Variants in HS6ST3 observed in about 807,000 individuals in gnomAD.
HS6ST3 encodes the protein heparan-sulfate 6-O-sulfotransferase 3.
In HS6ST3, 12 loss-of-function variants were observed where a neutral mutation model predicts 36.7. The observed-to-expected ratio is 0.33, with a 90% CI of 0.21 to 0.53. HS6ST3 has a LOEUF of 0.53. Ranked by LOEUF, HS6ST3 falls within the 20% of genes least tolerant of loss-of-function variation. The pLI, the probability that HS6ST3 is intolerant of heterozygous loss-of-function variation, is 0.95. For synonymous variants in HS6ST3, 240 were observed against 257.5 expected (o/e 0.93, Z 0.65); for missense variants, 584 against 640.9 (o/e 0.91, Z 0.96).
chr13:96,570,378 T>G (rs1182160965), intron 1 of HS6ST3, among the ~76,000 whole-genome samples: 2 of 152,204 alleles, frequency 1.3e-5, no homozygotes, highest in African/African-American at 4.8e-5. Context: ...TTTGGTAATA[T>G]AACTTATAGC....
intron 1 of HS6ST3, among the ~76,000 whole-genome samples, chr13:96,790,455 T>C (rs931337172): frequency 6.6e-6 from 1 of 152,030 alleles, no homozygotes; most frequent in African/African-American, 2.4e-5. Flanking sequence ...TTGTGGAGTC[T>C]CTACTTCATG....
intron 1 of HS6ST3, among the ~76,000 whole-genome samples, chr13:96,620,699 A>G (rs2056491738): frequency 6.6e-6 from 1 of 152,234 alleles, no homozygotes; most frequent in African/African-American, 2.4e-5. Flanking sequence ...AACCATATTT[A>G]GCAATCAGAG....
In HS6ST3 at chr13:96,090,823, C is replaced by T; in HGVS notation, c.-40C>T. ...CGGGCGCCCGTCCGCCCTGCCGCCGCCGCCGCCGCCGCTTCGCCTGCCGGC... is the reference window on the plus strand; with the variant it reads ...CGGGCGCCCGTCCGCCCTGCCGCCGTCGCCGCCGCCGCTTCGCCTGCCGGC... On this transcript the variant is annotated 5_prime_UTR_variant, in exon 1 of 2. Transcript: ENST00000376705. 3 of 1,455,480 alleles carry T rather than the reference C, an allele frequency of 2.1e-6. No homozygotes were observed. The highest frequency in any genetic ancestry group is 2.7e-6 in the Non-Finnish European group (3 of 1,098,986). 90.2% of individuals were successfully genotyped at this position (1,455,480 alleles called of 1,614,324 possible).
chr13:96,706,591 G>A (rs984530825), intron 1 of HS6ST3, among the ~76,000 whole-genome samples: 1 of 151,560 alleles, frequency 6.6e-6, no homozygotes. Context: ...CAGGGCTTTT[G>A]TTTTGTTGAG....
At chr13:96,284,059 T>C (rs1050458389) in intron 1 of HS6ST3, among the ~76,000 whole-genome samples, 21 of 152,164 alleles carry the variant, frequency 1.4e-4, no homozygotes, top group African/African-American at 5.1e-4. Context: ...AACAGAAAGA[T>C]GGAGATTCCG....
At chr13:96,370,932 G>A (rs1278701042) in intron 1 of HS6ST3, among the ~76,000 whole-genome samples, 1 of 151,980 alleles carries the variant, frequency 6.6e-6, no homozygotes, top group Non-Finnish European at 1.5e-5. Flanking sequence ...AAATAAAAAT[G>A]TCGATTATTA....
At chr13:96,263,833 C>T (rs1235236952) in intron 1 of HS6ST3, among the ~76,000 whole-genome samples, 1 of 152,204 alleles carries the variant, frequency 6.6e-6, no homozygotes, top group Non-Finnish European at 1.5e-5. Flanking sequence ...CTCTGATTTA[C>T]AGTGTTTTCT....
intron 1 of HS6ST3, among the ~76,000 whole-genome samples, chr13:96,559,209 C>A (rs1341710191): frequency 6.6e-6 from 1 of 151,962 alleles, no homozygotes; most frequent in African/African-American, 2.4e-5. Context: ...CTCTGCCTCC[C>A]GAGTTCAGGT....
chr13:96,127,412 A>G (rs2053957028), intron 1 of HS6ST3, among the ~76,000 whole-genome samples: 1 of 152,206 alleles, frequency 6.6e-6, no homozygotes, highest in Non-Finnish European at 1.5e-5. Context: ...GCAGTTTACA[A>G]TAGGGTTTGT....
chr13:96,613,168 G>C (rs1191699159), intron 1 of HS6ST3, among the ~76,000 whole-genome samples: 1 of 151,976 alleles, frequency 6.6e-6, no homozygotes, highest in Non-Finnish European at 1.5e-5. Context: ...TGTATAGGTT[G>C]GTCTCTTTCT....
intron 1 of HS6ST3, among the ~76,000 whole-genome samples, chr13:96,652,951 A>T (rs2056612537): frequency 6.6e-6 from 1 of 152,124 alleles, no homozygotes; most frequent in Admixed American, 6.6e-5. Context: ...TATAATAGTC[A>T]TCAATAAATT....
chr13:96,177,684 G>A (rs542180819), intron 1 of HS6ST3, among the ~76,000 whole-genome samples: 11 of 151,820 alleles, frequency 7.2e-5, no homozygotes, highest in Admixed American at 2.6e-4. Flanking sequence ...TAACTGTTGG[G>A]TACTGGGCTT....
intron 1 of HS6ST3, among the ~76,000 whole-genome samples, chr13:96,490,814 G>C (rs147431906): frequency 4.6e-5 from 7 of 152,230 alleles, no homozygotes; most frequent in African/African-American, 1.7e-4. Context: ...CCACGCTCTG[G>C]TTCTATTATT....
At chr13:96,599,317 G>T (rs1044442104) in intron 1 of HS6ST3, among the ~76,000 whole-genome samples, 1 of 151,904 alleles carries the variant, frequency 6.6e-6, no homozygotes. Context: ...CATTCTCACT[G>T]CTTGTTATCA....
intron 1 of HS6ST3, among the ~76,000 whole-genome samples, chr13:96,246,887 G>C (rs2054587280): frequency 6.6e-6 from 1 of 152,098 alleles, no homozygotes; most frequent in African/African-American, 2.4e-5. Context: ...TAAGTTTTCA[G>C]TGGGACTATT....
intron 1 of HS6ST3, among the ~76,000 whole-genome samples, chr13:96,187,449 T>C (rs2054269831): frequency 6.6e-6 from 1 of 152,198 alleles, no homozygotes. Context: ...AGACTTAGAA[T>C]ATGAAGCAGT....
intron 1 of HS6ST3, among the ~76,000 whole-genome samples, chr13:96,171,227 C>T (rs2054186229): frequency 6.6e-6 from 1 of 152,216 alleles, no homozygotes; most frequent in Non-Finnish European, 1.5e-5. Flanking sequence ...TACCCATGAA[C>T]ATGAAATTCT....
chr13:96,355,473 G>C (rs753789012), intron 1 of HS6ST3, among the ~76,000 whole-genome samples: 1 of 151,394 alleles, frequency 6.6e-6, no homozygotes, highest in Non-Finnish European at 1.5e-5. Flanking sequence ...CCACCATAAA[G>C]TAAATATAGC....
At chr13:96,749,460 T>G (rs1876646067) in intron 1 of HS6ST3, among the ~76,000 whole-genome samples, 1 of 152,182 alleles carries the variant, frequency 6.6e-6, no homozygotes, top group African/African-American at 2.4e-5. Context: ...TTTAGGATTC[T>G]TGCATTTAAT....
Sources: allele counts gnomAD v4.1 joint callset (sites outside exome capture counted in the v4.1 genomes callset), GRCh38; gene constraint gnomAD v4.1.1; transcripts MANE v1.5; gene names NCBI Gene and HGNC (gene_info 2026-07-23, HGNC 2026-07-21).